PITX3: variants seen among roughly 807,000 people sequenced by gnomAD.
PITX3 encodes paired like homeodomain 3, also known as pituitary homeobox 3.
PITX3 carries 4 observed loss-of-function variants against 14.2 expected under a neutral mutation model. The observed-to-expected ratio is 0.28, with a 90% confidence interval of 0.14 to 0.65. PITX3 has a LOEUF of 0.65. Ranked by LOEUF, PITX3 falls within the 30% of genes least tolerant of loss-of-function variation. The pLI, the probability that PITX3 is intolerant of heterozygous loss-of-function variation, is 0.82. For missense variants in PITX3, 358 were observed against 426.8 expected, an observed-to-expected ratio of 0.84 and a Z score of 1.42; for synonymous variants, 194 against 204.5, an observed-to-expected ratio of 0.95 and a Z score of 0.44.
In PITX3 at chr10:102,230,383, C is replaced by T. The variant is rs1390593178; in HGVS notation, c.*131G>A. ...GGGAGGGGAAGGCCCTCTCCTGAGC[C>T]GGTGCCCCCCAGCTGCCCAAACACC... On this transcript the variant is annotated 3_prime_UTR_variant, in exon 4 of 4. Transcript: ENST00000370002. 1.5e-6 allele frequency: 2 copies of T among 1,378,538 alleles called. No individual in the cohort carries two copies. Among genetic ancestry groups the T allele is most frequent in the Non-Finnish European group, 9.8e-7 (1 of 1,021,276 alleles). 85.4% of individuals were successfully genotyped at this position (1,378,538 alleles called of 1,614,324 possible). A position where few individuals can be genotyped will look rare whatever the true frequency, so the allele number is the denominator to read the frequency against.
At chr10:102,240,467 A>C (rs2070504431) in intron 1 of PITX3, among the ~76,000 whole-genome samples, 1 of 152,228 alleles carries the variant, frequency 6.6e-6, no homozygotes, top group Admixed American at 6.5e-5. Flanking sequence ...ACAAGTTTGC[A>C]AAGTGTGAGC....
chr10:102,235,172 A>ACCCAC (rs1480896716), intron 1 of PITX3, among the ~76,000 whole-genome samples: 5 of 77,264 alleles, frequency 6.5e-5, no homozygotes, highest in African/African-American at 1.6e-4. Context: ...CCCTTCCCCC[A>ACCCAC]CCCCCCACCC....
chr10:102,236,356 G>T (rs2133809404), intron 1 of PITX3, among the ~76,000 whole-genome samples: 1 of 152,338 alleles, frequency 6.6e-6, no homozygotes, highest in South Asian at 2.1e-4. Context: ...AGAGTCAGAA[G>T]ATAACAGTGA....
chr10:102,230,224 A>C lies in PITX3; in HGVS notation c.*290T>G, dbSNP rs779365141. 4.5e-6 allele frequency: 2 copies of C among 444,956 alleles called. No individual in the cohort carries two copies. The highest frequency in any genetic ancestry group is 8.0e-6 in the Non-Finnish European group (2 of 249,512). The allele number at this position is 444,956 out of a possible 1,614,324, so 27.6% of individuals were successfully genotyped here. On this transcript the variant is annotated 3_prime_UTR_variant, in exon 4 of 4. Transcript: ENST00000370002. ...GCACGTTTATTTCATTTATCTTTGA[A>C]AACGAGGGAGGGGAAGCCTGGAGAA...
chr10:102,231,942 C>T (rs1372176847), intron 2 of PITX3, 21 bp downstream of exon 2: 1 of 1,595,160 alleles, frequency 6.3e-7, no homozygotes, highest in Non-Finnish European at 8.6e-7. Flanking sequence ...GTCCTGCACC[C>T]CCGGAAGGGG....
chr10:102,240,691 G>A (rs764310372), intron 1 of PITX3, among the ~76,000 whole-genome samples: 3 of 152,222 alleles, frequency 2.0e-5, no homozygotes, highest in African/African-American at 7.2e-5. Context: ...TTCTGAGGCG[G>A]CCTCAAGTCA....
At chr10:102,240,150 T>TG (rs942732397) in intron 1 of PITX3, among the ~76,000 whole-genome samples, 3 of 152,192 alleles carry the variant, frequency 2.0e-5, no homozygotes, top group East Asian at 3.9e-4. Context: ...GCAAGGAGTC[T>TG]GGGGGGTGTC....
rs1486181672 is a variant in PITX3, at chr10:102,230,742, C to G, written c.681G>C (p.Pro227=). The change falls in exon 4 of 4, where the codon CCG becomes CCC. Residue 227 remains proline, a synonymous_variant. Transcript: ENST00000370002. Reference sequence around the variant, plus strand: ...ACACGGCCCCGGAGGACACGGCGGCCGGAGCCAGCCCGGGGGGGCCCCCGC... The same window carrying G: ...ACACGGCCCCGGAGGACACGGCGGCGGGAGCCAGCCCGGGGGGGCCCCCGC... ...GLGGGPPGLA[P]AAVSSGAVSC... is the part of the protein sequence containing the mutation. The G allele has an allele frequency of 6.7e-7, 1 of 1,486,506 alleles. No individual in the cohort carries two copies. Among genetic ancestry groups the G allele is most frequent in the Non-Finnish European group, 8.9e-7 (1 of 1,122,416 alleles). The allele number at this position is 1,486,506 out of a possible 1,614,324, so 92.1% of individuals were successfully genotyped here.
In PITX3 at chr10:102,230,627, T is replaced by C; in HGVS notation, c.796A>G (p.Ser266Gly). 6.2e-7 allele frequency: 1 copy of C among 1,608,394 alleles called. No homozygotes were observed. Among genetic ancestry groups the C allele is most frequent in the Non-Finnish European group, 8.5e-7 (1 of 1,177,788 alleles). The change falls in exon 4 of 4, where the codon AGC becomes GGC. Residue 266 changes from serine (S) to glycine (G), a missense_variant. Ser to Gly is a moderately conservative substitution (Grantham distance 56, BLOSUM62 0). Transcript: ENST00000370002. Reference protein sequence around the residue: ...YRDPCNSSLASLRLKAKQHAS... With the variant: ...YRDPCNSSLAGLRLKAKQHAS... ...TGCTGTTTGGCTTTGAGCCGCAGGC[T>C]GGCCAGGCTCGAGTTACACGGGTCC... is the stretch of plus-strand genomic sequence containing the variant.
At chr10:102,240,505 G>A (rs958359266) in intron 1 of PITX3, among the ~76,000 whole-genome samples, 7 of 152,242 alleles carry the variant, frequency 4.6e-5, no homozygotes, top group African/African-American at 1.7e-4. Context: ...CACCGCAGCC[G>A]ACCCCATCGC....
Position 102,230,970 on chromosome 10 carries a change from G to A in PITX3, c.453C>T (p.Tyr151=), listed in dbSNP as rs1305698831. The change falls in exon 4 of 4, where the codon TAC becomes TAT. Residue 151 remains tyrosine (Y), a synonymous_variant. Transcript: ENST00000370002. ...VPPYEEVYPG[Y]SYGNWPPKAL... ...CCTTGGGCGGCCAGTTGCCGTACGA[G>A]TAGCCGGGGTACACCTCCTCGTAGG... 1 of 1,607,370 alleles carries A rather than the reference G, an allele frequency of 6.2e-7. No homozygotes were observed. The highest frequency in any genetic ancestry group is 2.2e-5 in the East Asian group (1 of 44,582).
intron 2 of PITX3, 67 bp downstream of exon 2, chr10:102,231,896 C>A: frequency 6.4e-7 from 1 of 1,558,164 alleles, no homozygotes. Flanking sequence ...GGCTGCCCAG[C>A]CGGGGTCCCA....
rs2070528836 is a variant in PITX3, at chr10:102,241,246, C to A, written c.-13+87G>T. 6.5e-6 allele frequency: 1 copy of A among 152,904 alleles called. No homozygotes were observed. Among genetic ancestry groups the A allele is most frequent in the Non-Finnish European group, 1.5e-5 (1 of 68,562 alleles). The allele number at this position is 152,904 out of a possible 1,614,324, so 9.5% of individuals were successfully genotyped here. A position where few individuals can be genotyped will look rare whatever the true frequency, so the allele number is the denominator to read the frequency against. The stretch of plus-strand genomic sequence containing the variant: ...TTCCCAAGGCACCGGAGTTCAGCTG[C>A]CCCAGGTCTCGTTTTAGGGATTCCA... On this transcript the variant is annotated intron_variant, in intron 1 of 3. Coordinates refer to ENST00000370002, the MANE Select transcript of PITX3 (RefSeq NM_005029.4). The surrounding 1 kb of genome is among the most constrained non-coding windows in gnomAD (Gnocchi z 6.7).
chr10:102,235,199 G>A (rs1590407182), intron 1 of PITX3, among the ~76,000 whole-genome samples: 1 of 47,214 alleles, frequency 2.1e-5, no homozygotes, highest in Non-Finnish European at 4.3e-5. Flanking sequence ...CGCCTCCCTG[G>A]CCCCTCTGAA....
In PITX3 at chr10:102,231,779, C is replaced by G; in HGVS notation, c.130G>C (p.Ala44Pro). ...KGQEHSDSEKASASLPGGSPE... is the reference protein window; with the variant it reads ...KGQEHSDSEKPSASLPGGSPE... Reference sequence around the variant, plus strand: ...GAGCCGCCGGGCAGCGAAGCCGAGGCCTTTTCTGAGTCTGGGGGCCAGGGT... The same window carrying G: ...GAGCCGCCGGGCAGCGAAGCCGAGGGCTTTTCTGAGTCTGGGGGCCAGGGT... Residue 44 changes from alanine (A) to proline (P), a missense_variant, in exon 3 of 4, where the codon GCC (alanine) becomes CCC (proline). Coordinates refer to ENST00000370002, the MANE Select transcript of PITX3 (RefSeq NM_005029.4). 1 of 1,603,052 alleles carries G rather than the reference C, an allele frequency of 6.2e-7. No homozygotes were observed. The highest frequency in any genetic ancestry group is 2.2e-5 in the East Asian group (1 of 44,672).
Position 102,240,536 on chromosome 10 carries a change from C to G in PITX3, c.-13+797G>C, listed in dbSNP as rs971412354. Among the ~76,000 whole-genome samples, 7 of 152,252 alleles carry G rather than the reference C, an allele frequency of 4.6e-5. No homozygotes were observed. The East Asian group carries it at 1.3e-3, about 29-fold the overall frequency. On this transcript the variant is annotated intron_variant, in intron 1 of 3. Transcript: ENST00000370002. ...ATCGCACACGCAGCAGCTGGGCAGG[C>G]GCTGCTGGGTAGACGGACATGCCAC...
chr10:102,230,662 T>C lies in PITX3; in HGVS notation c.761A>G (p.Tyr254Cys). Reference sequence around the variant, plus strand: ...CGAGTTACACGGGTCCCGATAGACGTAGGGGGAAGAGGCGGCAGCCGCGGC... The same window carrying C: ...CGAGTTACACGGGTCCCGATAGACGCAGGGGGAAGAGGCGGCAGCCGCGGC... ...AAAAAAASSP[Y>C]VYRDPCNSSL... Residue 254 changes from tyrosine (Y) to cysteine (C), a missense_variant, in exon 4 of 4, where the codon TAC (tyrosine) becomes TGC (cysteine). Tyr to Cys is a radical substitution (Grantham distance 194). Around this residue, in one of 3 missense-constraint regions of PITX3, gnomAD observed 236 missense variants for 250.2 expected, o/e 0.94. Transcript: ENST00000370002. 6.3e-7 allele frequency: 1 copy of C among 1,595,884 alleles called. No homozygotes were observed. Among genetic ancestry groups the C allele is most frequent in the Non-Finnish European group, 8.5e-7 (1 of 1,172,090 alleles).
chr10:102,232,179 C>T (rs1338496384), intron 1 of PITX3, 87 bp from the exon 2 acceptor site: 20 of 764,770 alleles, frequency 2.6e-5, no homozygotes, highest in Middle Eastern at 2.2e-4. Context: ...TCGTAAATTC[C>T]CTGGCGCCTT....
chr10:102,233,787 G>A (rs1421742978), intron 1 of PITX3, among the ~76,000 whole-genome samples: 1 of 152,180 alleles, frequency 6.6e-6, no homozygotes. Flanking sequence ...CAGGCCATAG[G>A]CAGGAGCTTC....
Sources: allele counts gnomAD v4.1 joint callset (sites outside exome capture counted in the v4.1 genomes callset), GRCh38; gene constraint gnomAD v4.1.1; regional missense constraint gnomAD v4.1.1; non-coding constraint Gnocchi (gnomAD v3.1); transcripts MANE v1.5; gene names NCBI Gene and HGNC (gene_info 2026-07-23, HGNC 2026-07-21).